Variants in NLRC5 observed in about 807,000 individuals in gnomAD.
The protein encoded by NLRC5 is protein NLRC5.
Under a neutral mutation model 206.9 loss-of-function variants are expected in NLRC5, and 114 were observed. The ratio of observed to expected loss-of-function variants is 0.55; its 90% CI spans 0.47 to 0.64. The LOEUF (loss-of-function observed/expected upper bound fraction) is 0.64. NLRC5 is among the 30% of genes least tolerant of loss of function. The pLI is 0.00. For missense variants in NLRC5, 2,008 were observed against 2,305.5 expected (o/e 0.87, Z 2.64); for synonymous variants, 952 against 962.8 (o/e 0.99, Z 0.21).
chr16:57,006,062 A>G (rs1242823051), intron 1 of NLRC5, among the ~76,000 whole-genome samples: 2 of 151,702 alleles, frequency 1.3e-5, no homozygotes, highest in African/African-American at 4.8e-5. Flanking sequence ...CAGGGATGCA[A>G]TCTTGGCTCA....
chr16:57,064,740 A>G (rs1487667193), intron 32 of NLRC5, among the ~76,000 whole-genome samples: 1 of 152,208 alleles, frequency 6.6e-6, no homozygotes, highest in Non-Finnish European at 1.5e-5. Flanking sequence ...CCTGACCAAC[A>G]TGGTGAAACC....
Position 57,051,657 on chromosome 16 carries a change from G to C in NLRC5, c.3506+36G>C, listed in dbSNP as rs115578041. 461 of 1,553,760 alleles carry C rather than the reference G, an allele frequency of 3.0e-4. 3 individuals carry two copies. In the African/African-American group the frequency reaches 5.6e-3, roughly 19 times the overall value. ...AGTTTTTCCTATTTCCCGGTTCCTT[G>C]TGCTCGTGTTTCTAAGGCTCCTCCA... On this transcript the variant is annotated intron_variant, in intron 24 of 48. Transcript: ENST00000688547.
At chr16:57,076,305 T>C (rs1417739636) in intron 39 of NLRC5, among the ~76,000 whole-genome samples, 2 of 152,226 alleles carry the variant, frequency 1.3e-5, no homozygotes, top group Non-Finnish European at 2.9e-5. Context: ...GCCTCAGCTA[T>C]TTATTGTTTT....
intron 2 of NLRC5, among the ~76,000 whole-genome samples, chr16:57,020,423 C>G (rs1167054143): frequency 6.9e-6 from 1 of 144,208 alleles, no homozygotes; most frequent in Non-Finnish European, 1.5e-5. Flanking sequence ...CTCCTAGCTC[C>G]CCTGTCCCCT....
rs757860782 is a variant in NLRC5 at position 57,025,691 on chromosome 16, C to G, written c.748C>G (p.Leu250Val). The change falls in exon 6 of 49, where the codon CTG (leucine) becomes GTG (valine). Residue 250 changes from leucine (L) to valine (V), a missense_variant. Leu to Val is a conservative substitution (Grantham distance 32, BLOSUM62 1). Transcript: ENST00000688547. ...RLCQKWAEGH[L>V]NCFQALFLFE... ...CTGCCAGAAGTGGGCAGAGGGCCATCTGAACTGTTTCCAGGCCCTGTTCCT... is the reference window on the plus strand; with the variant it reads ...CTGCCAGAAGTGGGCAGAGGGCCATGTGAACTGTTTCCAGGCCCTGTTCCT... 1.9e-6 allele frequency: 3 copies of G among 1,614,240 alleles called. No individual in the cohort carries two copies. The East Asian group carries it at 6.7e-5, about 36-fold the overall frequency.
At position 57,055,817 on chromosome 16, in the gene NLRC5, T is replaced by C. The variant is rs146397180; in HGVS notation, c.3746+298T>C. Among the ~76,000 whole-genome samples the C allele has an allele frequency of 2.0e-5, 3 of 152,256 alleles. No homozygotes were observed. In the East Asian group the frequency reaches 5.8e-4, roughly 29 times the overall value. ...GGCAGATGGGGGCTAAAACGCAGGA[T>C]TCATTGTTGGCCCAGCAGGTGGTTA... On this transcript the variant is annotated intron_variant, in intron 27 of 48. Transcript: ENST00000688547.
At chr16:57,017,242 G>T (rs11642606) in intron 2 of NLRC5, 54 bp downstream of exon 2, 80,073 of 152,358 alleles carry the variant, frequency 0.53, 21,527 homozygotes, top group Admixed American at 0.6. Context: ...TATCTACTTC[G>T]TCACTTTTCT....
Position 57,070,613 on chromosome 16 carries a change from G to C in NLRC5, c.4662G>C (p.Arg1554Ser). 2 of 1,613,966 alleles carry C rather than the reference G, an allele frequency of 1.2e-6. No homozygotes were observed. The highest frequency in any genetic ancestry group is 1.7e-6 in the Non-Finnish European group (2 of 1,179,870). Residue 1554 changes from arginine (R) to serine (S), a missense_variant, in exon 38 of 49, where the codon AGG becomes AGC. Arg to Ser is a moderately radical substitution (Grantham distance 110, BLOSUM62 -1). Transcript: ENST00000688547. ...TTGAGGGGAAATGGATGCTAAAGAG[G>C]CTGGAGTAAGTAGTGATGGTGGTTG... ...RALEGKWMLK[R>S]LDLSHLLLNS...
chr16:57,079,510 A>T, intron 45 of NLRC5, 36 bp from the exon 46 acceptor site: 1 of 1,579,752 alleles, frequency 6.3e-7, no homozygotes, highest in Non-Finnish European at 8.7e-7. Flanking sequence ...GACTCAAACA[A>T]CCCCCATCCC....
At chr16:57,081,438 C>T (rs1181911706) in intron 47 of NLRC5, 89 bp from the exon 48 acceptor site, 4 of 1,271,770 alleles carry the variant, frequency 3.1e-6, no homozygotes, top group Admixed American at 1.7e-5. Flanking sequence ...GTCCCCTGAC[C>T]TTGGCCTGAG....
intron 1 of NLRC5, among the ~76,000 whole-genome samples, chr16:57,009,531 T>G (rs1263513540): frequency 6.6e-6 from 1 of 151,882 alleles, no homozygotes; most frequent in African/African-American, 2.4e-5. Flanking sequence ...AGGTGGAGGT[T>G]GCAGTGAGCT....
intron 1 of NLRC5, among the ~76,000 whole-genome samples, chr16:56,999,509 TC>T (rs1451979347): frequency 6.6e-6 from 1 of 152,252 alleles, no homozygotes; most frequent in Non-Finnish European, 1.5e-5. Context: ...AAAGCAAGAC[TC>T]CTCTGGGACA....
rs745935746 is a variant in NLRC5, at chr16:57,067,396, C to G, written c.4332C>G (p.His1444Gln). Residue 1444 changes from histidine to glutamine, a missense_variant, in exon 35 of 49, where the codon CAC (histidine) becomes CAG (glutamine). Physicochemically the swap from His to Gln is conservative, Grantham distance 24 (BLOSUM62 0). Coordinates refer to ENST00000688547, the MANE Select transcript of NLRC5 (RefSeq NM_001384950.1). ...CCCTGTCTGTGTCCAGGTTGGCTCA[C>G]TGTGACCTTGGAGCCCACCACAGCC... ...NPEAVALRLA[H>Q]CDLGAHHSLL... The G allele has an allele frequency of 6.8e-6, 11 of 1,614,102 alleles. No individual in the cohort carries two copies. The highest frequency in any genetic ancestry group is 9.3e-6 in the Non-Finnish European group (11 of 1,180,012).
At chr16:57,027,623 A>G (rs1287701371) in intron 6 of NLRC5, among the ~76,000 whole-genome samples, 1 of 135,834 alleles carries the variant, frequency 7.4e-6, no homozygotes, top group African/African-American at 2.7e-5. Context: ...GCAGTCATGC[A>G]GGTACCCAGG....
chr16:57,033,121 A>G (rs1194971975), intron 11 of NLRC5, among the ~76,000 whole-genome samples: 1 of 152,300 alleles, frequency 6.6e-6, no homozygotes, highest in Admixed American at 6.5e-5. Flanking sequence ...GGTTTACCAT[A>G]GCCTGGACTC....
rs533492938 is a variant in NLRC5, at chr16:57,049,422, T to C, written c.3422+1794T>C. Among the ~76,000 whole-genome samples the C allele has an allele frequency of 1.4e-4, 21 of 152,290 alleles. No individual in the cohort carries two copies. The East Asian group carries it at 3.9e-3, about 28-fold the overall frequency. The stretch of plus-strand genomic sequence containing the variant: ...GCTCTGCTGGCCAAGGCAAATCATC[T>C]GCAGAGGAAGCTTAATATAAAAAGC... On this transcript the variant is annotated intron_variant, in intron 23 of 48. Coordinates refer to ENST00000688547, the MANE Select transcript of NLRC5 (RefSeq NM_001384950.1).
At chr16:57,071,118 T>A (rs1262353681) in intron 38 of NLRC5, among the ~76,000 whole-genome samples, 4 of 98,762 alleles carry the variant, frequency 4.1e-5, no homozygotes, top group Non-Finnish European at 4.1e-5. Flanking sequence ...AGGGGGTGAG[T>A]GAGTGGTGGG....
intron 2 of NLRC5, among the ~76,000 whole-genome samples, chr16:57,018,408 C>T (rs1412149974): frequency 3.3e-5 from 5 of 152,222 alleles, no homozygotes; most frequent in Non-Finnish European, 7.3e-5. Context: ...CCTTCCTTGG[C>T]CATGGTCTTT....
At position 57,022,336 on chromosome 16, in the gene NLRC5, G is replaced by C. The variant is rs2060765737; in HGVS notation, c.355+21G>C. ...CCATGGTGAGGACTGGAGTTGGGGG[G>C]TGGGAAGGGGGTGGTGAGCACTGTG... On this transcript the variant is annotated intron_variant, in intron 4 of 48. Coordinates refer to ENST00000688547, the MANE Select transcript of NLRC5 (RefSeq NM_001384950.1). The C allele has an allele frequency of 3.1e-6, 5 of 1,601,874 alleles. No homozygotes were observed. In the South Asian group the frequency reaches 5.5e-5, roughly 18 times the overall value.
Sources: gnomAD v4.1 joint callset for allele counts (sites outside exome capture counted in the v4.1 genomes callset) on GRCh38, gnomAD v4.1.1 for gene constraint, MANE v1.5 for transcripts, NCBI Gene and HGNC (gene_info 2026-07-23, HGNC 2026-07-21) for gene names.